Variants in INPP4B observed in about 807,000 individuals in gnomAD.
INPP4B encodes the protein inositol polyphosphate 4-phosphatase type II.
Under a neutral mutation model 122.5 loss-of-function variants are expected in INPP4B, and 55 were observed. The ratio of observed to expected loss-of-function variants is 0.45; its 90% CI spans 0.36 to 0.56. The LOEUF (loss-of-function observed/expected upper bound fraction) is 0.56. Ranked by LOEUF, INPP4B falls within the 20% of genes least tolerant of loss-of-function variation. The probability of loss-of-function intolerance (pLI) is 0.00; values close to 1 mark genes in which losing one functional copy is unlikely to be tolerated. For synonymous variants in INPP4B, 403 were observed against 388.7 expected (o/e 1.04, Z -0.43); for missense variants, 1,000 against 1,097.7 (o/e 0.91, Z 1.26).
At chr4:142,201,714 A>T (rs1840704300) in intron 14 of INPP4B, among the ~76,000 whole-genome samples, 1 of 152,094 alleles carries the variant, frequency 6.6e-6, no homozygotes, top group Non-Finnish European at 1.5e-5. Flanking sequence ...AAAAAAAAAT[A>T]ACCTATAAGA....
chr4:142,586,348 G>GACA (rs1736211501), intron 2 of INPP4B, among the ~76,000 whole-genome samples: 1 of 151,808 alleles, frequency 6.6e-6, no homozygotes, highest in South Asian at 2.1e-4. Flanking sequence ...CAACAACAAC[G>GACA]ACAACAACAA....
intron 2 of INPP4B, among the ~76,000 whole-genome samples, chr4:142,496,614 T>C (rs1047600598): frequency 1.6e-4 from 24 of 152,158 alleles, no homozygotes; most frequent in African/African-American, 5.8e-4. Context: ...TTTGTGAGAG[T>C]ATTGTTTCCT....
rs79931626 is a variant in INPP4B at position 142,263,467 on chromosome 4, T to C, written c.616-2903A>G. 4.9e-3 allele frequency among the ~76,000 whole-genome samples: 749 copies of C among 151,808 alleles called. 10 individuals carry two copies. Among genetic ancestry groups the C allele is most frequent in the African/African-American group, 0.017 (715 of 41,418 alleles). ...ACATATTCTGTCTTCTATGAGATAA[T>C]TTTTAGCTTTACTTCTTTAAAGTAA... On this transcript the variant is annotated intron_variant, in intron 10 of 25. Transcript: ENST00000262992.
chr4:142,178,721 G>C (rs894240385), intron 15 of INPP4B, among the ~76,000 whole-genome samples: 10 of 151,688 alleles, frequency 6.6e-5, no homozygotes, highest in Admixed American at 2.6e-4. Context: ...TGAGTTTAGG[G>C]AAAAATGACT....
At chr4:142,758,548 A>G (rs942627349) in intron 1 of INPP4B, among the ~76,000 whole-genome samples, 7 of 152,186 alleles carry the variant, frequency 4.6e-5, no homozygotes, top group Non-Finnish European at 8.8e-5. Context: ...CTCAACAGGG[A>G]GTGGACTAGA....
chr4:142,773,519 A>G (rs1303109992), intron 1 of INPP4B, among the ~76,000 whole-genome samples: 2 of 152,206 alleles, frequency 1.3e-5, no homozygotes, highest in Non-Finnish European at 2.9e-5. Context: ...TCGGTATACT[A>G]GGATATTTCT....
At chr4:142,603,401 GA>G (rs1194521011) in intron 2 of INPP4B, among the ~76,000 whole-genome samples, 2 of 150,252 alleles carry the variant, frequency 1.3e-5, no homozygotes, top group Admixed American at 6.6e-5. Context: ...TTGAAAAAAA[GA>G]AAAAAAATAC....
At chr4:142,655,601 C>T (rs75089609) in intron 2 of INPP4B, among the ~76,000 whole-genome samples, 1,759 of 152,094 alleles carry the variant, frequency 0.012, 31 homozygotes, top group African/African-American at 0.032. Context: ...CATGAGTCTA[C>T]GATTAAGTAA....
In INPP4B at chr4:142,145,996, C is replaced by T. The variant is rs745489071; in HGVS notation, c.1564G>A (p.Asp522Asn). The change falls in exon 18 of 26, where the codon GAC (aspartate) becomes AAC (asparagine). Residue 522 changes from aspartate to asparagine, a missense_variant and splice_region_variant. By Grantham distance (23) the Asp-to-Asn change is conservative. Transcript: ENST00000262992. ...HHSDYDEEEW[D>N]RVWANVGKSL... ...TTCCCCACATTGGCCCACACCCTGT[C>T]CTGAAAAAAGCATGAGTATCACTAC... 7 of 1,607,542 alleles carry T rather than the reference C, an allele frequency of 4.4e-6. No homozygotes were observed. The highest frequency in any genetic ancestry group is 5.9e-6 in the Non-Finnish European group (7 of 1,176,752).
intron 2 of INPP4B, among the ~76,000 whole-genome samples, chr4:142,607,428 T>C (rs1741501485): frequency 6.6e-6 from 1 of 152,072 alleles, no homozygotes; most frequent in South Asian, 2.1e-4. Context: ...TTGCCACCTA[T>C]TTATATGTAT....
At chr4:142,431,121 A>G in intron 4 of INPP4B, 48 bp downstream of exon 4, 1 of 1,410,956 alleles carries the variant, frequency 7.1e-7, no homozygotes, top group Non-Finnish European at 1.0e-6. Flanking sequence ...CATCGGCCCA[A>G]TTTGCATCTT....
rs78745552 is a variant in INPP4B at position 142,331,469 on chromosome 4, C to T, written c.373-16707G>A. Reference sequence around the variant, plus strand: ...TAGGGATCAGGTCCAGAAACATCTTCGTGAAATACAAGTATATTGCAATCA... The same window carrying T: ...TAGGGATCAGGTCCAGAAACATCTTTGTGAAATACAAGTATATTGCAATCA... On this transcript the variant is annotated intron_variant, in intron 7 of 25. Coordinates refer to ENST00000262992, the MANE Select transcript of INPP4B (RefSeq NM_001101669.3). 5.7e-3 allele frequency among the ~76,000 whole-genome samples: 872 copies of T among 152,200 alleles called. 9 individuals carry two copies. Among genetic ancestry groups the T allele is most frequent in the African/African-American group, 0.02 (832 of 41,526 alleles).
At chr4:142,398,445 T>TAAAA (rs1554048511) in intron 7 of INPP4B, among the ~76,000 whole-genome samples, 8 of 74,568 alleles carry the variant, frequency 1.1e-4, no homozygotes, top group African/African-American at 4.3e-4. Flanking sequence ...TATATATATA[T>TAAAA]AAAACATATT....
intron 25 of INPP4B, among the ~76,000 whole-genome samples, chr4:142,046,446 A>G (rs941649421): frequency 2.0e-5 from 3 of 152,072 alleles, no homozygotes; most frequent in African/African-American, 7.2e-5. Flanking sequence ...GTGAAAGCCA[A>G]ATTGGTGCCT....
intron 1 of INPP4B, among the ~76,000 whole-genome samples, chr4:142,778,318 C>T (rs571968154): frequency 6.6e-6 from 1 of 152,112 alleles, no homozygotes; most frequent in Admixed American, 6.6e-5. Context: ...TTTTTTTCTC[C>T]AAGCACAACT....
chr4:142,243,335 A>C (rs1197146758), intron 11 of INPP4B, among the ~76,000 whole-genome samples: 1 of 152,228 alleles, frequency 6.6e-6, no homozygotes, highest in Non-Finnish European at 1.5e-5. Flanking sequence ...TCATCATTAG[A>C]TAGTCAAATT....
intron 2 of INPP4B, among the ~76,000 whole-genome samples, chr4:142,624,096 G>T (rs1219912965): frequency 6.6e-6 from 1 of 150,998 alleles, no homozygotes; most frequent in African/African-American, 2.4e-5. Flanking sequence ...TAATGGGATG[G>T]CTGGGTCAAA....
chr4:142,161,498 G>T (rs1196427026), intron 16 of INPP4B, among the ~76,000 whole-genome samples: 2 of 151,846 alleles, frequency 1.3e-5, no homozygotes, highest in Admixed American at 1.3e-4. Context: ...TTAACTCATA[G>T]CATTATATTG....
At chr4:142,782,953 C>T (rs1383057700) in intron 1 of INPP4B, among the ~76,000 whole-genome samples, 1 of 152,070 alleles carries the variant, frequency 6.6e-6, no homozygotes, top group South Asian at 2.1e-4. Flanking sequence ...GGAAAACTGG[C>T]TAGCCATATG....
Sources: allele counts gnomAD v4.1 joint callset (sites outside exome capture counted in the v4.1 genomes callset), GRCh38; gene constraint gnomAD v4.1.1; transcripts MANE v1.5; gene names NCBI Gene and HGNC (gene_info 2026-07-23, HGNC 2026-07-21).